The following TRIM36 variants were observed in gnomAD, a reference collection of about 807,000 sequenced individuals.
TRIM36 encodes the protein E3 ubiquitin-protein ligase TRIM36.
Under a neutral mutation model 72.4 loss-of-function variants are expected in TRIM36, and 42 were observed. That is an observed-to-expected ratio of 0.58 (90% confidence interval 0.45 to 0.75). The LOEUF (loss-of-function observed/expected upper bound fraction) is 0.75. Among genes scored for constraint, TRIM36 ranks in the 30% least tolerant of loss-of-function variants. TRIM36 has a pLI of 0.00. For synonymous variants in TRIM36, 315 were observed against 282.8 expected (o/e 1.11, Z -1.14); for missense variants, 913 against 857.1 (o/e 1.07, Z -0.81).
intron 5 of TRIM36, among the ~76,000 whole-genome samples, chr5:115,139,339 T>TAAAACCCTGG (rs1753148548): frequency 6.6e-6 from 1 of 151,994 alleles, no homozygotes; most frequent in Non-Finnish European, 1.5e-5. Flanking sequence ...GCCAGGCTGG[T>TAAAACCCTGG]CTCGAACTCC....
At chr5:115,166,783 C>A (rs1234688547) in intron 1 of TRIM36, among the ~76,000 whole-genome samples, 1 of 152,230 alleles carries the variant, frequency 6.6e-6, no homozygotes, top group African/African-American at 2.4e-5. Flanking sequence ...CTCTTTGTGG[C>A]TCTGCAGTTG....
chr5:115,130,873 A>C lies in TRIM36; in HGVS notation c.1515T>G (p.Phe505Leu). 3.1e-6 allele frequency: 5 copies of C among 1,606,942 alleles called. No homozygotes were observed. Among genetic ancestry groups the C allele is most frequent in the Non-Finnish European group, 4.3e-6 (5 of 1,175,232 alleles). Reference sequence around the variant, plus strand: ...CATTATTATAGCCACATTTTTCATCAAAGAGGAAGCTGAAAACTAAATGGA... The same window carrying C: ...CATTATTATAGCCACATTTTTCATCCAAGAGGAAGCTGAAAACTAAATGGA... The part of the protein sequence containing the change: ...TPPAPVFSFL[F>L]DEKCGYNNEH... Residue 505 changes from phenylalanine (F) to leucine (L), a missense_variant, in exon 9 of 10, where the codon TTT becomes TTG. By Grantham distance (22) the Phe-to-Leu change is conservative. Coordinates refer to ENST00000513154, the MANE Select transcript of TRIM36 (RefSeq NM_001300759.2).
chr5:115,148,411 TG>T, intron 2 of TRIM36: 3 of 880,320 alleles, frequency 3.4e-6, no homozygotes, highest in African/African-American at 4.0e-5. Context: ...TTTGTAAATC[TG>T]TTCTTTTTTT....
chr5:115,175,047 G>T (rs2126957165), intron 1 of TRIM36, among the ~76,000 whole-genome samples: 1 of 151,808 alleles, frequency 6.6e-6, no homozygotes, highest in East Asian at 1.9e-4. Flanking sequence ...TCCCTGTAGG[G>T]TTACTAGATT....
Position 115,150,656 on chromosome 5 carries a change from C to T in TRIM36, c.263-3262G>A, listed in dbSNP as rs1753840212. ...TAGGAAAGCTGAGAGGACCCACAGGCCCCCTGAAGGAAGCAGACTGCTCCT... is the reference window on the plus strand; with the variant it reads ...TAGGAAAGCTGAGAGGACCCACAGGTCCCCTGAAGGAAGCAGACTGCTCCT... On this transcript the variant is annotated intron_variant, in intron 2 of 9. Coordinates refer to ENST00000513154, the MANE Select transcript of TRIM36 (RefSeq NM_001300759.2). Among the ~76,000 whole-genome samples the T allele has an allele frequency of 2.0e-5, 3 of 152,304 alleles. No individual in the cohort carries two copies. The South Asian group carries it at 6.2e-4, about 32-fold the overall frequency.
Position 115,136,984 on chromosome 5 carries a change from CTTCA to C in TRIM36, c.1210+12_1210+15del, listed in dbSNP as rs771305835. ...CAGACAAAAAGAATGAGGTTTTTGC[CTTCA>C]TTAAGACTTACCACTAGAGAAAAAG... On this transcript the variant is annotated intron_variant, in intron 7 of 9. Coordinates refer to ENST00000513154, the MANE Select transcript of TRIM36 (RefSeq NM_001300759.2). The C allele has an allele frequency of 1.4e-5, 21 of 1,548,986 alleles. No individual in the cohort carries two copies. In the Admixed American group the frequency reaches 2.4e-4, roughly 18 times the overall value.
chr5:115,174,036 A>T (rs917841234), upstream of TRIM36: 1 of 152,228 alleles, frequency 6.6e-6, no homozygotes, highest in Non-Finnish European at 1.5e-5. Context: ...CTTTGATAAA[A>T]CAGAGCCTCA....
rs926352063 is a variant in TRIM36, at chr5:115,125,102, G to C, written c.*1401C>G. The C allele has an allele frequency of 2.0e-5, 3 of 152,394 alleles. No homozygotes were observed. The highest frequency in any genetic ancestry group is 7.2e-5 in the African/African-American group (3 of 41,408). 9.4% of individuals were successfully genotyped at this position (152,394 alleles called of 1,614,324 possible). On this transcript the variant is annotated 3_prime_UTR_variant, in exon 10 of 10. Transcript: ENST00000513154. ...AAAGCTAATTTAATGCTACCAGCCT[G>C]AGTAACAGATTTCCATTAAAAATAT...
At chr5:115,179,923 T>A in intron 1 of TRIM36, 5 of 1,517,042 alleles carry the variant, frequency 3.3e-6, no homozygotes, top group Non-Finnish European at 4.5e-6. Flanking sequence ...GCGGGCCAGG[T>A]AGTGCCGGAG....
chr5:115,179,443 G>C (rs955390159), intron 1 of TRIM36, among the ~76,000 whole-genome samples: 1 of 152,236 alleles, frequency 6.6e-6, no homozygotes, highest in Non-Finnish European at 1.5e-5. Flanking sequence ...CCTGGAAAGA[G>C]GCCCGAAAAG....
chr5:115,176,974 T>C (rs1232514932), intron 1 of TRIM36: 1 of 152,246 alleles, frequency 6.6e-6, no homozygotes, highest in Non-Finnish European at 1.5e-5. Flanking sequence ...ATGGCAGATA[T>C]CACTGTGTAC....
intron 9 of TRIM36, 76 bp downstream of exon 9, chr5:115,130,513 CCAA>C: frequency 3.4e-6 from 5 of 1,479,384 alleles, no homozygotes; most frequent in Non-Finnish European, 4.6e-6. Flanking sequence ...AATGTATACT[CCAA>C]ATGTAACAAA....
chr5:115,127,847 C>G (rs1398501251), intron 9 of TRIM36, among the ~76,000 whole-genome samples: 2 of 152,052 alleles, frequency 1.3e-5, no homozygotes. Flanking sequence ...CAGGCAGGCC[C>G]TTTAAGGAGG....
chr5:115,180,032 C>T, exon 1 of TRIM36: 3 of 1,614,076 alleles, frequency 1.9e-6, no homozygotes, highest in African/African-American at 1.3e-5. Flanking sequence ...CCCCAGACTC[C>T]GACATGTTTA....
intron 9 of TRIM36, among the ~76,000 whole-genome samples, chr5:115,127,905 A>G (rs1752438950): frequency 6.6e-6 from 1 of 152,134 alleles, no homozygotes; most frequent in African/African-American, 2.4e-5. Flanking sequence ...AGCTCCATGT[A>G]TGTTACTGCC....
intron 2 of TRIM36, among the ~76,000 whole-genome samples, chr5:115,160,255 G>A (rs961668230): frequency 6.6e-6 from 1 of 151,908 alleles, no homozygotes; most frequent in Non-Finnish European, 1.5e-5. Flanking sequence ...AGAAATGTAT[G>A]AGCCAAAACT....
intron 3 of TRIM36, 101 bp downstream of exon 3, chr5:115,146,968 C>T (rs1205943452): frequency 8.2e-7 from 1 of 1,215,910 alleles, no homozygotes; most frequent in East Asian, 2.6e-5. Flanking sequence ...TCCTTTCTGT[C>T]AAGTTCTAGA....
At chr5:115,166,521 C>G (rs1262409460) in intron 1 of TRIM36, among the ~76,000 whole-genome samples, 2 of 152,212 alleles carry the variant, frequency 1.3e-5, no homozygotes, top group African/African-American at 2.4e-5. Context: ...CTCCTGAGAG[C>G]TACTCTTTTG....
At chr5:115,144,989 T>C (rs1248123908) in intron 3 of TRIM36, among the ~76,000 whole-genome samples, 1 of 152,212 alleles carries the variant, frequency 6.6e-6, no homozygotes, top group Admixed American at 6.5e-5. Flanking sequence ...CCTCTGAACA[T>C]GCCTGATCTC....
Sources: gnomAD v4.1 joint callset for allele counts (sites outside exome capture counted in the v4.1 genomes callset) on GRCh38, gnomAD v4.1.1 for gene constraint, MANE v1.5 for transcripts, NCBI Gene and HGNC (gene_info 2026-07-23, HGNC 2026-07-21) for gene names.